The following CACNA2D3 variants were observed in gnomAD, a reference collection of about 807,000 sequenced individuals.
The protein encoded by CACNA2D3 is voltage-dependent calcium channel subunit alpha-2/delta-3.
Under a neutral mutation model 160.6 loss-of-function variants are expected in CACNA2D3, and 60 were observed. The ratio of observed to expected loss-of-function variants is 0.37; its 90% confidence interval spans 0.30 to 0.46. The LOEUF (loss-of-function observed/expected upper bound fraction) is 0.46, where lower values mean the gene tolerates loss of function less well. Among genes scored for constraint, CACNA2D3 ranks in the 20% least tolerant of loss-of-function variants. CACNA2D3 has a pLI of 1.00. For missense variants in CACNA2D3, 1,205 were observed against 1,365.0 expected, an observed-to-expected ratio of 0.88 and a Z score of 1.85; for synonymous variants, 558 against 492.9, an observed-to-expected ratio of 1.13 and a Z score of -1.75.
chr3:54,783,414 T>C (rs1702570840), intron 13 of CACNA2D3, among the ~76,000 whole-genome samples: 2 of 152,056 alleles, frequency 1.3e-5, no homozygotes, highest in African/African-American at 2.4e-5. Context: ...AAAACCAGCC[T>C]GGCCAACATG....
chr3:54,230,238 A>G (rs1223802643), intron 2 of CACNA2D3, among the ~76,000 whole-genome samples: 1 of 152,104 alleles, frequency 6.6e-6, no homozygotes, highest in Non-Finnish European at 1.5e-5. Context: ...GTTTTATTAC[A>G]GGGAAATTAT....
chr3:54,198,922 C>T (rs924345296), intron 2 of CACNA2D3, among the ~76,000 whole-genome samples: 4 of 152,252 alleles, frequency 2.6e-5, no homozygotes, highest in Non-Finnish European at 4.4e-5. Context: ...TGCTCCTTAA[C>T]GTTTGTTGTG....
intron 9 of CACNA2D3, among the ~76,000 whole-genome samples, chr3:54,621,733 C>T (rs1030234438): frequency 1.3e-5 from 2 of 152,146 alleles, no homozygotes; most frequent in East Asian, 1.9e-4. Flanking sequence ...AAGTCAGCTA[C>T]GTGTCTCTAT....
At chr3:54,944,700 C>T (rs1032712587) in intron 27 of CACNA2D3, among the ~76,000 whole-genome samples, 8 of 151,926 alleles carry the variant, frequency 5.3e-5, no homozygotes, top group South Asian at 2.1e-4. Context: ...GGATTACAGG[C>T]GTGAGCCACC....
At chr3:54,142,719 A>C (rs566423956) in intron 2 of CACNA2D3, among the ~76,000 whole-genome samples, 3 of 152,238 alleles carry the variant, frequency 2.0e-5, no homozygotes, top group African/African-American at 7.2e-5. Flanking sequence ...AAGCTACTCT[A>C]TTACCATCCA....
At chr3:54,912,413 T>C (rs1282142999) in intron 27 of CACNA2D3, among the ~76,000 whole-genome samples, 2 of 152,082 alleles carry the variant, frequency 1.3e-5, no homozygotes, top group Non-Finnish European at 2.9e-5. Flanking sequence ...ATTTGACCCC[T>C]ATTACCCTCT....
At chr3:54,823,487 GAC>G (rs563150948) in intron 14 of CACNA2D3, among the ~76,000 whole-genome samples, 58 of 151,952 alleles carry the variant, frequency 3.8e-4, no homozygotes, top group Non-Finnish European at 7.6e-4. Flanking sequence ...TTCAGCCTTT[GAC>G]TCAACAACCC....
At chr3:54,896,144 G>T (rs187744508) in intron 25 of CACNA2D3, among the ~76,000 whole-genome samples, 1 of 152,130 alleles carries the variant, frequency 6.6e-6, no homozygotes, top group Non-Finnish European at 1.5e-5. Flanking sequence ...TAGCCTTCCC[G>T]ATAGACAAGC....
At chr3:54,688,689 A>G (rs1180880769) in intron 11 of CACNA2D3, among the ~76,000 whole-genome samples, 1 of 151,654 alleles carries the variant, frequency 6.6e-6, no homozygotes, top group Admixed American at 6.6e-5. Context: ...CTCAAAAGCC[A>G]TAGCTGCAAT....
chr3:54,525,040 G>T (rs1424984682), intron 5 of CACNA2D3, among the ~76,000 whole-genome samples: 1 of 151,902 alleles, frequency 6.6e-6, no homozygotes, highest in Non-Finnish European at 1.5e-5. Flanking sequence ...GCACATGTGT[G>T]GTATAGTATA....
At chr3:54,214,465 A>G (rs543908599) in intron 2 of CACNA2D3, among the ~76,000 whole-genome samples, 1 of 152,226 alleles carries the variant, frequency 6.6e-6, no homozygotes, top group Admixed American at 6.5e-5. Flanking sequence ...CAAGATCTGG[A>G]GCCAAAGGGC....
chr3:54,327,861 G>A (rs1704150459), intron 3 of CACNA2D3, among the ~76,000 whole-genome samples: 2 of 152,014 alleles, frequency 1.3e-5, no homozygotes, highest in African/African-American at 4.8e-5. Context: ...TAAAACATTG[G>A]ATTATTCTTT....
chr3:54,398,222 A>G (rs1482024018), intron 4 of CACNA2D3, among the ~76,000 whole-genome samples: 1 of 128,112 alleles, frequency 7.8e-6, no homozygotes, highest in African/African-American at 3.0e-5. Context: ...TCTGCACGTG[A>G]GATGGGTTTC....
rs17054454 is a variant in CACNA2D3, at chr3:54,838,273, A to G, written c.1471-295A>G. On this transcript the variant is annotated intron_variant, in intron 15 of 37. Transcript: ENST00000474759. Reference sequence around the variant, plus strand: ...CTGCTGAAACTCTTGTGTTTCTTCAAATCAGTGTTTAATTTTCAAGAGAGG... The same window carrying G: ...CTGCTGAAACTCTTGTGTTTCTTCAGATCAGTGTTTAATTTTCAAGAGAGG... Among the ~76,000 whole-genome samples the G allele has an allele frequency of 0.011, 1,599 of 152,270 alleles. 23 individuals carry two copies. The highest frequency in any genetic ancestry group is 0.036 in the African/African-American group (1,496 of 41,556).
chr3:54,969,857 C>T lies in CACNA2D3; in HGVS notation c.2556+13C>T, dbSNP rs977444952. The T allele has an allele frequency of 1.9e-6, 3 of 1,612,260 alleles. No individual in the cohort carries two copies. Among genetic ancestry groups the T allele is most frequent in the African/African-American group, 1.3e-5 (1 of 74,842 alleles). On this transcript the variant is annotated intron_variant, in intron 29 of 37. Transcript: ENST00000474759. The stretch of plus-strand genomic sequence containing the variant: ...CTGTGATGATGAGGTAAGACGGCCT[C>T]CTGGTCCTGTTTCTACCCCTGTGGA...
intron 3 of CACNA2D3, among the ~76,000 whole-genome samples, chr3:54,366,555 G>A (rs761115862): frequency 6.6e-6 from 1 of 152,140 alleles, no homozygotes; most frequent in African/African-American, 2.4e-5. Flanking sequence ...AATTGGATTC[G>A]CAGGAGATGT....
intron 4 of CACNA2D3, among the ~76,000 whole-genome samples, chr3:54,489,073 A>G (rs2106916173): frequency 6.6e-6 from 1 of 152,262 alleles, no homozygotes; most frequent in Middle Eastern, 3.4e-3. Context: ...GGGAGGCTGA[A>G]TGGAGGGAGC....
At chr3:55,006,815 C>T (rs1315728701) in intron 32 of CACNA2D3, among the ~76,000 whole-genome samples, 1 of 152,194 alleles carries the variant, frequency 6.6e-6, no homozygotes, top group African/African-American at 2.4e-5. Flanking sequence ...GATAATTCCT[C>T]CATTCTCAGT....
At chr3:54,441,204 T>C (rs1279803216) in intron 4 of CACNA2D3, among the ~76,000 whole-genome samples, 1 of 152,208 alleles carries the variant, frequency 6.6e-6, no homozygotes, top group Non-Finnish European at 1.5e-5. Context: ...TGGTATCTCA[T>C]TGTGGTTTTG....
Sources: gnomAD v4.1 joint callset for allele counts (sites outside exome capture counted in the v4.1 genomes callset) on GRCh38, gnomAD v4.1.1 for gene constraint, MANE v1.5 for transcripts, NCBI Gene and HGNC (gene_info 2026-07-23, HGNC 2026-07-21) for gene names.